The following TCERG1L variants were observed in gnomAD, a reference collection of about 807,000 sequenced individuals.
TCERG1L encodes transcription elongation regulator 1 like, also known as transcription elongation regulator 1-like protein.
In TCERG1L, 37 loss-of-function variants were observed where a neutral mutation model predicts 56.3. The ratio of observed to expected loss-of-function variants is 0.66; its 90% CI spans 0.51 to 0.87. The LOEUF (loss-of-function observed/expected upper bound fraction) is 0.87. Ranked by LOEUF, TCERG1L falls within the 40% of genes least tolerant of loss-of-function variation. The pLI is 0.00. For missense variants in TCERG1L, 799 were observed against 774.2 expected, an observed-to-expected ratio of 1.03 and a Z score of -0.38; for synonymous variants, 324 against 326.3, an observed-to-expected ratio of 0.99 and a Z score of 0.08.
intron 4 of TCERG1L, among the ~76,000 whole-genome samples, chr10:131,235,105 G>T (rs1034502481): frequency 2.0e-5 from 3 of 152,212 alleles, no homozygotes; most frequent in Non-Finnish European, 4.4e-5. Context: ...CCACAGGCAG[G>T]GTCCTGCAGG....
chr10:131,209,405 G>T (rs1285463458), intron 4 of TCERG1L, among the ~76,000 whole-genome samples: 1 of 152,210 alleles, frequency 6.6e-6, no homozygotes, highest in Non-Finnish European at 1.5e-5. Context: ...GCAGTAAGGG[G>T]AAGTGGATAC....
intron 6 of TCERG1L, among the ~76,000 whole-genome samples, chr10:131,159,118 T>TG (rs945541047): frequency 9.9e-5 from 15 of 152,282 alleles, no homozygotes; most frequent in African/African-American, 2.9e-4. Flanking sequence ...CACTCACGGT[T>TG]GGGGGCCTCG....
At chr10:131,112,896 C>T (rs1845424811) in intron 9 of TCERG1L, among the ~76,000 whole-genome samples, 1 of 142,328 alleles carries the variant, frequency 7.0e-6, no homozygotes, top group African/African-American at 2.5e-5. Flanking sequence ...CCCCGTCCCT[C>T]CTCGGTTGAG....
At chr10:131,115,034 C>G (rs143563703) in intron 9 of TCERG1L, among the ~76,000 whole-genome samples, 1 of 152,234 alleles carries the variant, frequency 6.6e-6, no homozygotes, top group South Asian at 2.1e-4. Flanking sequence ...ACAAAACGGC[C>G]TCTCCTGCCT....
At chr10:131,270,738 A>G (rs553929545) in intron 3 of TCERG1L, among the ~76,000 whole-genome samples, 11 of 152,252 alleles carry the variant, frequency 7.2e-5, no homozygotes, top group Admixed American at 2.6e-4. Flanking sequence ...ACTTCCTTTA[A>G]TATCCACATG....
intron 3 of TCERG1L, among the ~76,000 whole-genome samples, chr10:131,303,448 C>A (rs1589778477): frequency 6.6e-6 from 1 of 152,002 alleles, no homozygotes; most frequent in Non-Finnish European, 1.5e-5. Context: ...CTGTTCATAT[C>A]CTTCACCCAC....
intron 6 of TCERG1L, among the ~76,000 whole-genome samples, chr10:131,154,225 C>T (rs1013675133): frequency 2.9e-4 from 44 of 152,062 alleles, no homozygotes; most frequent in African/African-American, 1.2e-4. Flanking sequence ...ACCAAGCAGC[C>T]GCAATATAGG....
intron 4 of TCERG1L, among the ~76,000 whole-genome samples, chr10:131,244,593 T>C (rs1846012128): frequency 6.6e-6 from 1 of 152,080 alleles, no homozygotes; most frequent in South Asian, 2.1e-4. Flanking sequence ...GAGCTCTCAC[T>C]CCCTGTGGTA....
intron 11 of TCERG1L, among the ~76,000 whole-genome samples, chr10:131,097,597 T>C (rs1372682445): frequency 6.6e-6 from 1 of 152,204 alleles, no homozygotes; most frequent in Non-Finnish European, 1.5e-5. Flanking sequence ...TCCACCTGCC[T>C]TGGTCTCCCA....
chr10:131,221,637 T>C (rs549861717), intron 4 of TCERG1L, among the ~76,000 whole-genome samples: 93 of 152,322 alleles, frequency 6.1e-4, no homozygotes, highest in African/African-American at 2.2e-3. Flanking sequence ...TCGCCGTGTA[T>C]TGAACACGGA....
intron 9 of TCERG1L, among the ~76,000 whole-genome samples, chr10:131,104,866 C>T (rs866208564): frequency 1.3e-5 from 2 of 152,154 alleles, no homozygotes; most frequent in African/African-American, 4.8e-5. Context: ...AGAAAGTTAC[C>T]ATATACTCAT....
At position 131,309,154 on chromosome 10, in the gene TCERG1L, T is replaced by A; in HGVS notation, c.488A>T (p.Lys163Met). ...SWIDKRIPNC[K>M]IFFNNSFALD... ...CAATTAAATCACTTGCGTTTTTACCTTACAGTTAGGAATCCTTTTGTCTAT... is the reference window on the plus strand; with the variant it reads ...CAATTAAATCACTTGCGTTTTTACCATACAGTTAGGAATCCTTTTGTCTAT... The change falls in exon 2 of 12, where the codon AAG becomes ATG. Residue 163 changes from lysine (K) to methionine (M), a missense_variant and splice_region_variant. Coordinates refer to ENST00000368642, the MANE Select transcript of TCERG1L (RefSeq NM_174937.4). 6.2e-7 allele frequency: 1 copy of A among 1,609,132 alleles called. No homozygotes were observed. The highest frequency in any genetic ancestry group is 8.5e-7 in the Non-Finnish European group (1 of 1,178,196).
Position 131,101,984 on chromosome 10 carries a change from G to A in TCERG1L, c.1485+2281C>T, listed in dbSNP as rs1025222703. Among the ~76,000 whole-genome samples, 61 of 152,196 alleles carry A rather than the reference G, an allele frequency of 4.0e-4. 1 individual carries two copies. The highest frequency in any genetic ancestry group is 1.4e-3 in the African/African-American group (56 of 41,440). ...CCCAAAGGGCTGGGATTACAGGCAT[G>A]AGCCATCATGCCCAGCCCATAGCTG... is the stretch of plus-strand genomic sequence containing the variant. On this transcript the variant is annotated intron_variant, in intron 10 of 11. Coordinates refer to ENST00000368642, the MANE Select transcript of TCERG1L (RefSeq NM_174937.4).
chr10:131,273,866 A>G (rs973817258), intron 3 of TCERG1L, among the ~76,000 whole-genome samples: 5 of 152,204 alleles, frequency 3.3e-5, no homozygotes, highest in Admixed American at 3.3e-4. Context: ...GGAAATATGG[A>G]AATAACAGGA....
Position 131,093,109 on chromosome 10 carries a change from GCCCCCGGCACGCCCAGGGTCAAC to G in TCERG1L, c.*30_*52del. On this transcript the variant is annotated 3_prime_UTR_variant, in exon 12 of 12. Transcript: ENST00000368642. ...TGTCCGTCTCCACCGTGACCCCCTC[GCCCCCGGCACGCCCAGGGTCAAC>G]CCCCGGGCTTATTGCATTTTTTCAC... 6.3e-7 allele frequency: 1 copy of G among 1,577,106 alleles called. No individual in the cohort carries two copies. Among genetic ancestry groups the G allele is most frequent in the Non-Finnish European group, 8.6e-7 (1 of 1,160,562 alleles).
chr10:131,207,363 G>A (rs575338354), intron 4 of TCERG1L, among the ~76,000 whole-genome samples: 1 of 152,210 alleles, frequency 6.6e-6, no homozygotes, highest in African/African-American at 2.4e-5. Flanking sequence ...TGCTGCCGAG[G>A]CTTTGCTGCC....
At chr10:131,239,609 A>G (rs1032793638) in intron 4 of TCERG1L, among the ~76,000 whole-genome samples, 13 of 152,180 alleles carry the variant, frequency 8.5e-5, no homozygotes, top group African/African-American at 3.1e-4. Context: ...ATCGCACCAG[A>G]GTCAGAGGTG....
intron 9 of TCERG1L, among the ~76,000 whole-genome samples, chr10:131,111,661 G>C (rs1038846863): frequency 7.0e-6 from 1 of 142,656 alleles, no homozygotes; most frequent in Non-Finnish European, 1.6e-5. Context: ...CGATTTCCTC[G>C]CACAGCCTGA....
intron 4 of TCERG1L, among the ~76,000 whole-genome samples, chr10:131,250,524 C>G (rs1846097971): frequency 7.3e-6 from 1 of 136,918 alleles, no homozygotes; most frequent in Non-Finnish European, 1.6e-5. Context: ...TCTCATTCCA[C>G]GAACGCAGGG....
Sources: allele counts gnomAD v4.1 joint callset (sites outside exome capture counted in the v4.1 genomes callset), GRCh38; gene constraint gnomAD v4.1.1; transcripts MANE v1.5; gene names NCBI Gene and HGNC (gene_info 2026-07-23, HGNC 2026-07-21).